Variants in C13orf46 observed in about 807,000 individuals in gnomAD.
C13orf46 encodes chromosome 13 open reading frame 46.
chr13:113,932,128 G>A, the C13orf46 span, among the ~76,000 whole-genome samples: 1 of 152,190 alleles, frequency 6.6e-6, no homozygotes, highest in East Asian at 1.9e-4. Context: ...CTAGTTGCAT[G>A]GGTGTATCAT....
chr13:113,963,685 CCTGTCCTCAGCCTCAGCTGCAGCCA>C (rs2052611323), intron 6 of C13orf46, among the ~76,000 whole-genome samples: 1 of 152,160 alleles, frequency 6.6e-6, no homozygotes, highest in African/African-American at 2.4e-5. Flanking sequence ...AGCCACGGCC[CCTGTCCTCAGCCTCAGCTGCAGCCA>C]CTGTCCTCAG....
At chr13:113,927,511 C>T in the C13orf46 span, 15 of 398,632 alleles carry the variant, frequency 3.8e-5, no homozygotes, top group South Asian at 1.3e-4. Flanking sequence ...AAGGCCACAT[C>T]GATGCTTGGA....
the C13orf46 span, among the ~76,000 whole-genome samples, chr13:113,933,551 T>C: frequency 6.6e-6 from 1 of 152,224 alleles, no homozygotes; most frequent in Non-Finnish European, 1.5e-5. Context: ...CTGCTGGGAT[T>C]CTGATTGGGA....
rs1435256566 is a variant in C13orf46, at chr13:113,970,237, C to G, written c.191-15G>C. 2 of 152,284 alleles carry G rather than the reference C, an allele frequency of 1.3e-5. No homozygotes were observed. The highest frequency in any genetic ancestry group is 2.4e-5 in the African/African-American group (1 of 41,400). 9.4% of individuals were successfully genotyped at this position (152,284 alleles called of 1,614,324 possible). Reference sequence around the variant, plus strand: ...ATCTTCGGACTCTGGGGAGGAAGGACAGAGCCGTCAGCACCATTACACCGC... The same window carrying G: ...ATCTTCGGACTCTGGGGAGGAAGGAGAGAGCCGTCAGCACCATTACACCGC... On this transcript the variant is annotated splice_polypyrimidine_tract_variant and intron_variant, in intron 1 of 6. Coordinates refer to ENST00000636427, the MANE Select transcript of C13orf46 (RefSeq NM_001365455.2).
At chr13:113,942,708 G>A in the C13orf46 span, among the ~76,000 whole-genome samples, 3 of 152,224 alleles carry the variant, frequency 2.0e-5, no homozygotes, top group Non-Finnish European at 4.4e-5. Flanking sequence ...GGGAGGATGA[G>A]GGAGACGGCA....
rs1483341135 is a variant in C13orf46 at position 113,955,269 on chromosome 13, G to GGAGGAGTAGTATCTGGCGGA, written c.*1484_*1503dup. ...GGAGACGAGGAGCATCTGGCGGAGA[G>GGAGGAGTAGTATCTGGCGGA]GAGGAGTAGTATCTGGCGGAGAGGA... On this transcript the variant is annotated 3_prime_UTR_variant, in exon 7 of 7. Transcript: ENST00000636427. 1.6e-5 allele frequency: 3 copies of GGAGGAGTAGTATCTGGCGGA among 189,988 alleles called. No individual in the cohort carries two copies. The highest frequency in any genetic ancestry group is 1.9e-4 in the East Asian group (1 of 5,260). 11.8% of individuals were successfully genotyped at this position (189,988 alleles called of 1,614,324 possible).
the C13orf46 span, among the ~76,000 whole-genome samples, chr13:113,945,416 G>A: frequency 1.3e-5 from 2 of 151,904 alleles, no homozygotes; most frequent in Non-Finnish European, 2.9e-5. Context: ...GTGATGGTGG[G>A]CCCCTGCAGT....
the C13orf46 span, among the ~76,000 whole-genome samples, chr13:113,936,738 C>T: frequency 0.041 from 6,256 of 151,330 alleles, 340 homozygotes; most frequent in African/African-American, 0.13. Flanking sequence ...GTGCAGTCGT[C>T]GGGGTGTGGG....
downstream of C13orf46, among the ~76,000 whole-genome samples, chr13:113,952,836 C>T (rs1271528437): frequency 1.2e-4 from 19 of 152,252 alleles, no homozygotes; most frequent in African/African-American, 4.6e-4. Context: ...CTGAGCCTCT[C>T]AGCCCAACGG....
the C13orf46 span, among the ~76,000 whole-genome samples, chr13:113,942,485 C>G: frequency 3.3e-5 from 5 of 152,306 alleles, no homozygotes; most frequent in African/African-American, 1.2e-4. Flanking sequence ...CCAGGAGACT[C>G]GGCAGACACC....
chr13:113,951,018 C>T (rs1250548211), downstream of C13orf46, among the ~76,000 whole-genome samples: 1 of 152,222 alleles, frequency 6.6e-6, no homozygotes, highest in Non-Finnish European at 1.5e-5. Context: ...GGGAAGGACA[C>T]AGGGGAATTT....
the C13orf46 span, among the ~76,000 whole-genome samples, chr13:113,940,417 T>C: frequency 6.6e-6 from 1 of 152,232 alleles, no homozygotes; most frequent in South Asian, 2.1e-4. Context: ...TGGTTTCCTA[T>C]GGGGCTCTGC....
downstream of C13orf46, among the ~76,000 whole-genome samples, chr13:113,949,779 G>C (rs1186303884): frequency 6.6e-6 from 1 of 151,388 alleles, no homozygotes; most frequent in East Asian, 2.0e-4. Flanking sequence ...CATCACTCAT[G>C]TCTCAGGCAC....
chr13:113,930,440 T>C, the C13orf46 span, among the ~76,000 whole-genome samples: 2,939 of 151,746 alleles, frequency 0.019, 92 homozygotes, highest in African/African-American at 0.068. Context: ...GCGGGAGCAC[T>C]GAGGCTGAGC....
rs1393302196 is a variant in C13orf46 at position 113,956,381 on chromosome 13, G to A, written c.*392C>T. 6.5e-6 allele frequency: 1 copy of A among 154,896 alleles called. No homozygotes were observed. The highest frequency in any genetic ancestry group is 2.4e-5 in the African/African-American group (1 of 41,304). 9.6% of individuals were successfully genotyped at this position (154,896 alleles called of 1,614,324 possible). A position where few individuals can be genotyped will look rare whatever the true frequency, so the allele number is the denominator to read the frequency against. On this transcript the variant is annotated 3_prime_UTR_variant, in exon 7 of 7. Transcript: ENST00000636427. The stretch of plus-strand genomic sequence containing the variant: ...GAGAGGAGGAGCATCTGGTGGAGAG[G>A]AGGAGCATCTGGTGGAGAGGAGGAG...
At chr13:113,953,394 C>T (rs1234082028), downstream of C13orf46, among the ~76,000 whole-genome samples, 7 of 152,282 alleles carry the variant, frequency 4.6e-5, no homozygotes, top group Middle Eastern at 3.4e-3. Flanking sequence ...ATCACCTCTC[C>T]GGGGTCCCAG....
chr13:113,936,879 G>A, the C13orf46 span, among the ~76,000 whole-genome samples: 13 of 152,182 alleles, frequency 8.5e-5, no homozygotes, highest in East Asian at 1.5e-3. Flanking sequence ...AGGTTCCACC[G>A]TAGTGACGTT....
chr13:113,933,615 G>A, the C13orf46 span, among the ~76,000 whole-genome samples: 1 of 152,180 alleles, frequency 6.6e-6, no homozygotes, highest in Non-Finnish European at 1.5e-5. Context: ...CCATGAACAT[G>A]CTATGGCTCC....
chr13:113,969,508 G>A (rs933920072), intron 2 of C13orf46, among the ~76,000 whole-genome samples: 7 of 152,232 alleles, frequency 4.6e-5, no homozygotes, highest in African/African-American at 7.2e-5. Flanking sequence ...TGGCCGCTTC[G>A]GCGGCCGGAC....
Sources: gnomAD v4.1 joint callset for allele counts (sites outside exome capture counted in the v4.1 genomes callset) on GRCh38, gnomAD v4.1.1 for gene constraint, MANE v1.5 for transcripts, NCBI Gene and HGNC (gene_info 2026-07-23, HGNC 2026-07-21) for gene names.